MUC5B: variants seen among roughly 807,000 people sequenced by gnomAD.
MUC5B encodes the protein mucin 5B, oligomeric mucus/gel-forming.
In MUC5B, 116 loss-of-function variants were observed where a neutral mutation model predicts 376.9. That is an observed-to-expected ratio of 0.31 (90% CI 0.26 to 0.36). MUC5B has a LOEUF of 0.36. Ranked by LOEUF, MUC5B falls within the 10% of genes least tolerant of loss-of-function variation. The probability of loss-of-function intolerance (pLI) is 1.00; values close to 1 mark genes in which losing one functional copy is unlikely to be tolerated. For missense variants in MUC5B, 7,165 were observed against 7,769.9 expected (o/e 0.92, Z 2.93); for synonymous variants, 3,517 against 3,390.9 (o/e 1.04, Z -1.29).
intron 15 of MUC5B, 30 bp from the exon 16 acceptor site, chr11:1,232,420 C>T (rs747615062): frequency 3.6e-5 from 56 of 1,570,002 alleles, no homozygotes; most frequent in South Asian, 4.7e-5. Flanking sequence ...CGGGGCAGGG[C>T]GTGGAGATGA....
Position 1,244,254 on chromosome 11 carries a change from C to T in MUC5B, c.7374C>T (p.Thr2458=), listed in dbSNP as rs773325923. Residue 2458 remains threonine, a synonymous_variant, in exon 31 of 49, where the codon ACC becomes ACT. Transcript: ENST00000529681. ...STGSTATPSS[T]PGTTWILTEP... ...GATCCACGGCCACCCCGTCCTCCAC[C>T]CCAGGGACCACCTGGATCCTCACAG... The T allele has an allele frequency of 1.9e-6, 3 of 1,610,952 alleles. No homozygotes were observed. In the African/African-American group the frequency reaches 4.0e-5, roughly 22 times the overall value.
chr11:1,256,805 T>C (rs1376005654), intron 39 of MUC5B, 34 bp downstream of exon 39: 20 of 1,487,528 alleles, frequency 1.3e-5, no homozygotes, highest in Non-Finnish European at 1.8e-5. Context: ...GATACGACCC[T>C]GGGCCCGACC....
In MUC5B at chr11:1,255,170, G is replaced by A. The variant is rs750153903; in HGVS notation, c.15794G>A (p.Gly5265Asp). ...SRKDGCWAPT[G>D]TPPTASPAAP... is the part of the protein sequence containing the mutation. ...AAGGATGGCTGCTGGGCCCCGACTG[G>A]CACACCCCCCACTGCCAGCCCCGCA... Residue 5265 changes from glycine to aspartate, a missense_variant, in exon 36 of 49, where the codon GGC (glycine) becomes GAC (aspartate). Transcript: ENST00000529681. 2.3e-5 allele frequency: 36 copies of A among 1,559,298 alleles called. No homozygotes were observed. The highest frequency in any genetic ancestry group is 1.7e-4 in the Middle Eastern group (1 of 5,990).
In MUC5B at chr11:1,249,683, C is replaced by T. The variant is rs61747489; in HGVS notation, c.12803C>T (p.Thr4268Ile). ...ACTGCATCCACTGGATCCACGGCCA[C>T]CCCGTCCTCCACCCCGGGAACAGCT... ...TTTASTGSTA[T>I]PSSTPGTAPP... The change falls in exon 31 of 49, where the codon ACC becomes ATC. Residue 4268 changes from threonine to isoleucine, a missense_variant. Physicochemically the swap from Thr to Ile is moderately conservative, Grantham distance 89. Around this residue, in one of 31 missense-constraint regions of MUC5B, gnomAD observed 431 missense variants for 390.4 expected, o/e 1.10. Coordinates refer to ENST00000529681, the MANE Select transcript of MUC5B (RefSeq NM_002458.3). 4.3e-5 allele frequency: 69 copies of T among 1,609,992 alleles called. No homozygotes were observed. Among genetic ancestry groups the T allele is most frequent in the Admixed American group, 6.7e-5 (4 of 59,910 alleles).
At position 1,251,284 on chromosome 11, in the gene MUC5B, G is replaced by A; in HGVS notation, c.14404G>A (p.Ala4802Thr). Residue 4802 changes from alanine to threonine, a missense_variant, in exon 31 of 49, where the codon GCC (alanine) becomes ACC (threonine). Physicochemically the swap from Ala to Thr is moderately conservative, Grantham distance 58. This residue lies in a region of MUC5B where 730 missense variants were observed against 592.7 expected (regional missense o/e 1.23). Coordinates refer to ENST00000529681, the MANE Select transcript of MUC5B (RefSeq NM_002458.3). ...GACCACCACAGCCACCATGACAAGGGCCACCAATTCCACGGCCACACCCTC... is the reference window on the plus strand; with the variant it reads ...GACCACCACAGCCACCATGACAAGGACCACCAATTCCACGGCCACACCCTC... ...VLTTTATMTR[A>T]TNSTATPSST... is the part of the protein sequence containing the mutation. 6.2e-7 allele frequency: 1 copy of A among 1,610,242 alleles called. No homozygotes were observed.
At position 1,250,443 on chromosome 11, in the gene MUC5B, C is replaced by T. The variant is rs776965359; in HGVS notation, c.13563C>T (p.Ser4521=). 30 of 1,594,530 alleles carry T rather than the reference C, an allele frequency of 1.9e-5. No homozygotes were observed. The South Asian group carries it at 3.1e-4, about 16-fold the overall frequency. ...RSTATTPTAT[S]FTAIPSSSLG... is the part of the protein sequence containing the mutation. ...CAGCCACCACACCCACAGCTACCAG[C>T]TTTACAGCCATCCCCTCCTCCTCCC... Residue 4521 remains serine (S), a synonymous_variant, in exon 31 of 49, where the codon AGC becomes AGT. Coordinates refer to ENST00000529681, the MANE Select transcript of MUC5B (RefSeq NM_002458.3).
At position 1,240,181 on chromosome 11, in the gene MUC5B, G is replaced by T. The variant is rs2133822337; in HGVS notation, c.3776G>T (p.Cys1259Phe). The T allele has an allele frequency of 6.3e-7, 1 of 1,595,466 alleles. No individual in the cohort carries two copies. Reference sequence around the variant, plus strand: ...ACTCTGCCGGCTCCATCCCCAGCCTGCACCTGCACCTATGAGGACAGGACC... The same window carrying T: ...ACTCTGCCGGCTCCATCCCCAGCCTTCACCTGCACCTATGAGGACAGGACC... ...GIQCAHSLEA[C>F]TCTYEDRTYS... Residue 1259 changes from cysteine to phenylalanine, a missense_variant, in exon 30 of 49, where the codon TGC (cysteine) becomes TTC (phenylalanine). Coordinates refer to ENST00000529681, the MANE Select transcript of MUC5B (RefSeq NM_002458.3).
At position 1,258,055 on chromosome 11, in the gene MUC5B, G is replaced by C; in HGVS notation, c.16451-44G>C. 1 of 1,514,292 alleles carries C rather than the reference G, an allele frequency of 6.6e-7. No individual in the cohort carries two copies. 93.8% of individuals were successfully genotyped at this position (1,514,292 alleles called of 1,614,324 possible). A position where few individuals can be genotyped will look rare whatever the true frequency, so the allele number is the denominator to read the frequency against. On this transcript the variant is annotated intron_variant, in intron 41 of 48. Transcript: ENST00000529681. The surrounding 1 kb of genome is among the most constrained non-coding windows in gnomAD (Gnocchi z 5.5). ...TACTCTGGGAACAAGTGGTCGGGAG[G>C]AGGAGTGAGCAGCGCCCAGACAGTG... is the stretch of plus-strand genomic sequence containing the variant.
Position 1,231,983 on chromosome 11 carries a change from C to T in MUC5B, c.1679-13C>T, listed in dbSNP as rs776915478. The T allele has an allele frequency of 5.0e-6, 8 of 1,612,356 alleles. No homozygotes were observed. The highest frequency in any genetic ancestry group is 6.8e-6 in the Non-Finnish European group (8 of 1,179,748). On this transcript the variant is annotated splice_polypyrimidine_tract_variant and intron_variant, in intron 14 of 48. Transcript: ENST00000529681. ...AACAGTGGCCGCTGACATCCCCCAA[C>T]CCTGGCCCCCAGGCCTGTGTGGGAA...
chr11:1,228,833 G>C, intron 8 of MUC5B, 68 bp downstream of exon 8: 1 of 373,708 alleles, frequency 2.7e-6, no homozygotes, highest in Non-Finnish European at 4.2e-6. Flanking sequence ...CGCCTTGGGG[G>C]CCACTGGGGG....
Position 1,232,678 on chromosome 11 carries a change from G to A in MUC5B, c.1973G>A (p.Ser658Asn), listed in dbSNP as rs1257718978. 4 of 1,600,524 alleles carry A rather than the reference G, an allele frequency of 2.5e-6. No individual in the cohort carries two copies. The Admixed American group carries it at 6.9e-5, about 27-fold the overall frequency. The change falls in exon 17 of 49, where the codon AGC (serine) becomes AAC (asparagine). Residue 658 changes from serine (S) to asparagine (N), a missense_variant. This residue lies in a region of MUC5B where 530 missense variants were observed against 604.0 expected (regional missense o/e 0.88). Transcript: ENST00000529681. Reference protein sequence around the residue: ...CMFDTCNCERSEDCLCAALSS... With the variant: ...CMFDTCNCERNEDCLCAALSS... ...TTTGACACCTGCAACTGTGAGCGGA[G>A]CGAGGACTGCCTGTGCGCCGCGCTG...
In MUC5B at chr11:1,245,785, G is replaced by C. The variant is rs372575741; in HGVS notation, c.8905G>C (p.Gly2969Arg). The change falls in exon 31 of 49, where the codon GGC becomes CGC. Residue 2969 changes from glycine (G) to arginine (R), a missense_variant. Transcript: ENST00000529681. ...AATCCGTGTGTTCTGCTGCAACTAC[G>C]GCCACTGCCCCAGCACCCCGGCCAC... The part of the protein sequence containing the change: ...YEIRVFCCNY[G>R]HCPSTPATSS... 123 of 1,612,642 alleles carry C rather than the reference G, an allele frequency of 7.6e-5. 1 individual carries two copies. The East Asian group carries it at 8.0e-4, about 11-fold the overall frequency.
chr11:1,238,492 G>C (rs1862202671), intron 25 of MUC5B, among the ~76,000 whole-genome samples: 1 of 152,176 alleles, frequency 6.6e-6, no homozygotes, highest in Non-Finnish European at 1.5e-5. Flanking sequence ...GTAAGCAGGG[G>C]TGCTATGCTC....
At position 1,230,434 on chromosome 11, in the gene MUC5B, G is replaced by A. The variant is rs114659124; in HGVS notation, c.1360-56G>A. ...ATGGGCATCCCCAGCACACTTCTGG[G>A]GGGCACCCCACATCATCGAGCCAGG... On this transcript the variant is annotated intron_variant, in intron 11 of 48. Coordinates refer to ENST00000529681, the MANE Select transcript of MUC5B (RefSeq NM_002458.3). The A allele has an allele frequency of 1.0e-3, 1,538 of 1,478,120 alleles. 10 individuals carry two copies. In the African/African-American group the frequency reaches 0.019, roughly 18 times the overall value. 91.6% of individuals were successfully genotyped at this position (1,478,120 alleles called of 1,614,324 possible).
intron 38 of MUC5B, 121 bp downstream of exon 38, chr11:1,256,346 C>T (rs1862833938): frequency 1.6e-6 from 1 of 635,726 alleles, no homozygotes. Flanking sequence ...GTGCCCGAGC[C>T]CAGGACTCCT....
Position 1,233,246 on chromosome 11 carries a change from G to A in MUC5B, c.2299G>A (p.Val767Met). 1 of 1,581,658 alleles carries A rather than the reference G, an allele frequency of 6.3e-7. No homozygotes were observed. The highest frequency in any genetic ancestry group is 8.6e-7 in the Non-Finnish European group (1 of 1,165,910). ...CACCGTGCTGGCTCCTGGAGAGGTG[G>A]TGCACGACGAGGGCGCCGTGTGGTA... is the stretch of plus-strand genomic sequence containing the variant. Reference protein sequence around the residue: ...HGTVLAPGEVVHDEGAVCSCT... With the variant: ...HGTVLAPGEVMHDEGAVCSCT... The change falls in exon 18 of 49, where the codon GTG (valine) becomes ATG (methionine). Residue 767 changes from valine (V) to methionine (M), a missense_variant. Transcript: ENST00000529681.
chr11:1,247,452 T>C lies in MUC5B; in HGVS notation c.10572T>C (p.Ser3524=), dbSNP rs2943518. The change falls in exon 31 of 49, where the codon TCT becomes TCC. Residue 3524 remains serine (S), a synonymous_variant. Transcript: ENST00000529681. ...PSSRTTESPP[S]PGTTTPGHTR... ...GCAGGACCACCGAGTCACCCCCTTC[T>C]CCAGGGACGACCACCCCGGGCCACA... 0.17 allele frequency: 278,474 copies of C among 1,604,788 alleles called. 28,568 individuals carry two copies. The highest frequency in any genetic ancestry group is 0.19 in the Non-Finnish European group (218,862 of 1,176,658).
chr11:1,227,499 C>T (rs1861915437), intron 6 of MUC5B, 101 bp downstream of exon 6: 4 of 939,218 alleles, frequency 4.3e-6, no homozygotes, highest in African/African-American at 1.6e-5. Context: ...GGACCGGGCA[C>T]CAGGCAGGGA....
Position 1,232,500 on chromosome 11 carries a change from T to C in MUC5B, c.1894T>C (p.Phe632Leu). Residue 632 changes from phenylalanine (F) to leucine (L), a missense_variant, in exon 16 of 49, where the codon TTC (phenylalanine) becomes CTC (leucine). Transcript: ENST00000529681. ...CSRLTDPNSA[F>L]SRCHSIINPK... ...GCGCCTGACCGATCCCAACAGTGCC[T>C]TCTCGCGCTGCCACTCCATCATCAA... The C allele has an allele frequency of 6.2e-7, 1 of 1,610,964 alleles. No homozygotes were observed. Among genetic ancestry groups the C allele is most frequent in the Non-Finnish European group, 8.5e-7 (1 of 1,179,210 alleles).
Sources: allele counts gnomAD v4.1 joint callset (sites outside exome capture counted in the v4.1 genomes callset), GRCh38; gene constraint gnomAD v4.1.1; regional missense constraint gnomAD v4.1.1; non-coding constraint Gnocchi (gnomAD v3.1); transcripts MANE v1.5; gene names NCBI Gene and HGNC (gene_info 2026-07-23, HGNC 2026-07-21).